DDO: variants seen among roughly 807,000 people sequenced by gnomAD.
DDO encodes the protein D-aspartate oxidase, DDO.
A neutral mutation model predicts 16.8 loss-of-function variants in DDO; 16 were observed. The ratio of observed to expected loss-of-function variants is 0.95; its 90% CI spans 0.65 to 1.45. DDO has a LOEUF of 1.45. DDO is among the 40% of genes most tolerant of loss of function. The probability of loss-of-function intolerance (pLI) is 0.00; values close to 1 mark genes in which losing one functional copy is unlikely to be tolerated. For synonymous variants in DDO, 180 were observed against 167.2 expected (o/e 1.08, Z -0.59); for missense variants, 429 against 420.3 (o/e 1.02, Z -0.18).
chr6:110,393,286 A>G lies in DDO; in HGVS notation c.515T>C (p.Leu172Pro). Residue 172 changes from leucine (L) to proline (P), a missense_variant, in exon 5 of 5, where the codon CTT (leucine) becomes CCT (proline). Transcript: ENST00000368924. ...LTRRIEDLWE[L>P]HPSFDIVVNC... ...GACCACGATGTCAAAGGACGGATGA[A>G]GTTCCCACAGGTCTTCTATTCGCCG... The G allele has an allele frequency of 1.9e-6, 3 of 1,613,500 alleles. No individual in the cohort carries two copies. The highest frequency in any genetic ancestry group is 2.5e-6 in the Non-Finnish European group (3 of 1,179,486).
downstream of DDO, among the ~76,000 whole-genome samples, chr6:110,388,540 C>A (rs951140525): frequency 1.3e-5 from 2 of 150,936 alleles, no homozygotes; most frequent in Non-Finnish European, 1.5e-5. Flanking sequence ...TAAAAATAGC[C>A]TTTCTTCTAT....
Position 110,392,546 on chromosome 6 carries a change from T to C in DDO, c.*229A>G, listed in dbSNP as rs1773131367. 2.5e-6 allele frequency: 3 copies of C among 1,213,752 alleles called. No homozygotes were observed. In the South Asian group the frequency reaches 1.2e-4, roughly 50 times the overall value. The allele number at this position is 1,213,752 out of a possible 1,614,324, so 75.2% of individuals were successfully genotyped here. On this transcript the variant is annotated 3_prime_UTR_variant, in exon 5 of 5. Coordinates refer to ENST00000368924, the MANE Select transcript of DDO (RefSeq NM_001372108.2). ...TGGGAACTGGCACCTCTAAAAAATG[T>C]TACCCAGATTGCACTCAAACTCCTG... is the stretch of plus-strand genomic sequence containing the variant.
intron 4 of DDO, among the ~76,000 whole-genome samples, chr6:110,397,571 G>T (rs571341660): frequency 6.6e-6 from 1 of 152,162 alleles, no homozygotes; most frequent in African/African-American, 2.4e-5. Context: ...TTGTTTCCTA[G>T]GGATAAGAAT....
chr6:110,398,970 A>C (rs1220976409), intron 4 of DDO, among the ~76,000 whole-genome samples: 1 of 152,210 alleles, frequency 6.6e-6, no homozygotes, highest in Non-Finnish European at 1.5e-5. Flanking sequence ...TGTCAAAGGC[A>C]GGACAATCCT....
intron 4 of DDO, 31 bp from the exon 5 acceptor site, chr6:110,393,373 TG>T (rs1773181465): frequency 6.5e-7 from 1 of 1,536,342 alleles, no homozygotes. Flanking sequence ...AGTGAATATT[TG>T]TTAGCGACCT....
chr6:110,392,899 A>C lies in DDO; in HGVS notation c.902T>G (p.Val301Gly), dbSNP rs1773149836. 2.5e-6 allele frequency: 4 copies of C among 1,614,196 alleles called. No individual in the cohort carries two copies. The highest frequency in any genetic ancestry group is 3.4e-6 in the Non-Finnish European group (4 of 1,180,038). Residue 301 changes from valine (V) to glycine (G), a missense_variant, in exon 5 of 5, where the codon GTC (valine) becomes GGC (glycine). Physicochemically the swap from Val to Gly is moderately radical, Grantham distance 109. Coordinates refer to ENST00000368924, the MANE Select transcript of DDO (RefSeq NM_001372108.2). ...LARDGQRLPVVHHYGHGSGGI... is the reference protein window; with the variant it reads ...LARDGQRLPVGHHYGHGSGGI... ...CCCACTCCCATGGCCATAGTGGTGG[A>C]CTACAGGCAGCCTCTGTCCATCTCG... is the stretch of plus-strand genomic sequence containing the variant.
intron 2 of DDO, among the ~76,000 whole-genome samples, chr6:110,412,814 A>G (rs1562267033): frequency 6.6e-6 from 1 of 152,228 alleles, no homozygotes; most frequent in African/African-American, 2.4e-5. Context: ...GTCCTGCAGC[A>G]TAACTGAGGC....
intron 2 of DDO, among the ~76,000 whole-genome samples, chr6:110,410,230 C>A (rs1002681073): frequency 6.6e-6 from 1 of 152,190 alleles, no homozygotes. Context: ...TCCAGGAGAA[C>A]CAGCCACCTG....
At chr6:110,404,093 C>T (rs1773569621) in intron 4 of DDO, among the ~76,000 whole-genome samples, 1 of 152,188 alleles carries the variant, frequency 6.6e-6, no homozygotes, top group Non-Finnish European at 1.5e-5. Flanking sequence ...TCTCAACATG[C>T]CTGCAAGTCC....
chr6:110,402,637 C>A (rs1773519964), intron 4 of DDO, among the ~76,000 whole-genome samples: 1 of 152,042 alleles, frequency 6.6e-6, no homozygotes, highest in South Asian at 2.1e-4. Context: ...TCAGCCTGAG[C>A]CACAAGAGGA....
At chr6:110,397,637 T>A (rs1215799438) in intron 4 of DDO, among the ~76,000 whole-genome samples, 2 of 152,230 alleles carry the variant, frequency 1.3e-5, no homozygotes, top group Non-Finnish European at 2.9e-5. Context: ...AGTGCAAATG[T>A]CTTTTCTTTT....
intron 3 of DDO, among the ~76,000 whole-genome samples, chr6:110,407,814 T>C (rs1040949719): frequency 6.6e-6 from 1 of 152,244 alleles, no homozygotes; most frequent in Non-Finnish European, 1.5e-5. Flanking sequence ...AAAAATGAAA[T>C]AGAAGTGTGC....
rs1414174871 is a variant in DDO at position 110,413,344 on chromosome 6, G to T, written c.119C>A (p.Pro40Gln). ...SVTIISDKFT[P>Q]DTTSDVAAGM... is the part of the protein sequence containing the mutation. ...GGCTGCCACATCACTGGTGGTATCT[G>T]GAGTAAACTTGTCTGAAATGATGGT... The change falls in exon 2 of 5, where the codon CCA (proline) becomes CAA (glutamine). Residue 40 changes from proline (P) to glutamine (Q), a missense_variant. Pro to Gln is a moderately conservative substitution (Grantham distance 76). Coordinates refer to ENST00000368924, the MANE Select transcript of DDO (RefSeq NM_001372108.2). 6.2e-7 allele frequency: 1 copy of T among 1,614,162 alleles called. No individual in the cohort carries two copies.
In DDO at chr6:110,400,632, A is replaced by G. The variant is rs1196539221; in HGVS notation, c.458+4142T>C. ...CAATTTGGCCCTTAAAGCAAAATGA[A>G]AGCAATGAGCCCTCTCTCCCAGGAG... is the stretch of plus-strand genomic sequence containing the variant. On this transcript the variant is annotated intron_variant, in intron 4 of 4. Transcript: ENST00000368924. 2.6e-5 allele frequency among the ~76,000 whole-genome samples: 4 copies of G among 152,242 alleles called. No homozygotes were observed. In the East Asian group the frequency reaches 7.7e-4, roughly 29 times the overall value.
intron 4 of DDO, among the ~76,000 whole-genome samples, chr6:110,403,240 CAT>C (rs924436509): frequency 2.6e-4 from 39 of 152,086 alleles, no homozygotes; most frequent in African/African-American, 7.0e-4. Flanking sequence ...CCTTTTTCCA[CAT>C]GTTTTAACTT....
chr6:110,407,395 A>G (rs1009260692), intron 3 of DDO, among the ~76,000 whole-genome samples: 2 of 152,194 alleles, frequency 1.3e-5, no homozygotes, highest in Admixed American at 6.5e-5. Context: ...AATTACTGAC[A>G]TCAGCATCAT....
intron 1 of DDO, 33 bp downstream of exon 1, chr6:110,415,434 C>T (rs757442368): frequency 2.6e-5 from 42 of 1,612,470 alleles, no homozygotes; most frequent in South Asian, 4.4e-5. Flanking sequence ...ATGGACGGAA[C>T]GACCCCTCAG....
intron 3 of DDO, among the ~76,000 whole-genome samples, chr6:110,405,751 A>G (rs1276499493): frequency 1.3e-5 from 2 of 152,124 alleles, no homozygotes; most frequent in African/African-American, 4.8e-5. Flanking sequence ...AAAAATACAA[A>G]TATTAGCTGG....
intron 4 of DDO, among the ~76,000 whole-genome samples, chr6:110,403,268 TTTTA>T (rs1405100022): frequency 6.6e-6 from 1 of 152,222 alleles, no homozygotes; most frequent in Non-Finnish European, 1.5e-5. Context: ...GTTTATTTTA[TTTTA>T]TTTTATTCTG....
Sources: allele counts gnomAD v4.1 joint callset (sites outside exome capture counted in the v4.1 genomes callset), GRCh38; gene constraint gnomAD v4.1.1; transcripts MANE v1.5; gene names NCBI Gene and HGNC (gene_info 2026-07-23, HGNC 2026-07-21).